Variants in IRAG1 observed in about 807,000 individuals in gnomAD.
IRAG1 encodes inositol 1,4,5-triphosphate receptor associated 1.
Under a neutral mutation model 106.2 loss-of-function variants are expected in IRAG1, and 62 were observed. The ratio of observed to expected loss-of-function variants is 0.58; its 90% confidence interval spans 0.48 to 0.72. IRAG1 has a LOEUF of 0.72. Ranked by LOEUF, IRAG1 falls within the 30% of genes least tolerant of loss-of-function variation. The pLI is 0.00. For missense variants in IRAG1, 1,064 were observed against 1,140.7 expected (o/e 0.93, Z 0.97); for synonymous variants, 462 against 443.9 (o/e 1.04, Z -0.51).
intron 1 of IRAG1, among the ~76,000 whole-genome samples, chr11:10,691,548 T>C (rs1176485456): frequency 6.6e-6 from 1 of 152,144 alleles, no homozygotes; most frequent in Non-Finnish European, 1.5e-5. Flanking sequence ...CAGTTTCAAG[T>C]AGGTTTCACA....
intron 13 of IRAG1, among the ~76,000 whole-genome samples, chr11:10,603,928 A>T (rs1854258584): frequency 6.6e-6 from 1 of 152,200 alleles, no homozygotes; most frequent in African/African-American, 2.4e-5. Context: ...ACTATGAGAA[A>T]TAAATGTTTG....
chr11:10,637,627 T>C (rs559849405), intron 2 of IRAG1, among the ~76,000 whole-genome samples: 1 of 152,236 alleles, frequency 6.6e-6, no homozygotes, highest in South Asian at 2.1e-4. Context: ...CCTTGAGTCA[T>C]GATTATTATT....
chr11:10,587,801 A>T (rs1353192899), intron 18 of IRAG1, among the ~76,000 whole-genome samples: 31 of 152,116 alleles, frequency 2.0e-4, no homozygotes. Context: ...TAGCTCTTAA[A>T]TTCATCCTCT....
chr11:10,630,255 T>A (rs1003950868), intron 4 of IRAG1, among the ~76,000 whole-genome samples: 3 of 151,974 alleles, frequency 2.0e-5, no homozygotes, highest in African/African-American at 7.2e-5. Context: ...CACTCCCCAC[T>A]TCTCCCTCTT....
intron 1 of IRAG1, among the ~76,000 whole-genome samples, chr11:10,682,116 T>C (rs1231600224): frequency 6.6e-6 from 1 of 152,216 alleles, no homozygotes; most frequent in African/African-American, 2.4e-5. Context: ...GATAATATTA[T>C]AACCTGTATC....
In IRAG1 at chr11:10,574,652, C is replaced by G. The variant is rs1365029411; in HGVS notation, c.*1680G>C. ...GAGTGACCTGAAGAAAAGAGAAGAA[C>G]AGCTGGAAAAAAAACTAGTGAGTGG... On this transcript the variant is annotated 3_prime_UTR_variant, in exon 21 of 21. Coordinates refer to ENST00000423302, the MANE Select transcript of IRAG1 (RefSeq NM_130385.4). 6.6e-6 allele frequency: 1 copy of G among 152,046 alleles called. No individual in the cohort carries two copies. The highest frequency in any genetic ancestry group is 2.4e-5 in the African/African-American group (1 of 41,374). The allele number at this position is 152,046 out of a possible 1,614,324, so 9.4% of individuals were successfully genotyped here.
chr11:10,602,809 A>AC (rs1308015786), intron 14 of IRAG1, among the ~76,000 whole-genome samples: 1 of 152,216 alleles, frequency 6.6e-6, no homozygotes, highest in African/African-American at 2.4e-5. Context: ...GGTAAAGTGA[A>AC]CCAGCCTTCT....
chr11:10,618,037 T>C (rs915207192), intron 10 of IRAG1, among the ~76,000 whole-genome samples: 1 of 152,258 alleles, frequency 6.6e-6, no homozygotes, highest in Non-Finnish European at 1.5e-5. Flanking sequence ...AACTCATTAA[T>C]TGGCCTTCAA....
chr11:10,674,234 A>T (rs1860472065), intron 1 of IRAG1, among the ~76,000 whole-genome samples: 1 of 152,242 alleles, frequency 6.6e-6, no homozygotes. Flanking sequence ...AAGATGCTCC[A>T]GAAGTGCACA....
At chr11:10,693,240 G>C (rs781609277) in intron 1 of IRAG1, among the ~76,000 whole-genome samples, 2 of 152,172 alleles carry the variant, frequency 1.3e-5, no homozygotes, top group Non-Finnish European at 2.9e-5. Context: ...AAAGCTAGGG[G>C]TTGCAATCGC....
Position 10,626,233 on chromosome 11 carries a change from T to C in IRAG1, c.1101A>G (p.Gly367=). The change falls in exon 9 of 21, where the codon GGA becomes GGG. Residue 367 remains glycine (G), a synonymous_variant. Coordinates refer to ENST00000423302, the MANE Select transcript of IRAG1 (RefSeq NM_130385.4). ...AGCCAGCCTCGGGCCCCATCGGCTC[T>C]CCAGCTGGGCCTCTCCCCTGGGAGG... ...PPASQGRGPA[G]EPMGPEAGSK... is the part of the protein sequence containing the mutation. 6.2e-7 allele frequency: 1 copy of C among 1,601,740 alleles called. No homozygotes were observed. Among genetic ancestry groups the C allele is most frequent in the South Asian group, 1.1e-5 (1 of 90,198 alleles).
intron 18 of IRAG1, among the ~76,000 whole-genome samples, chr11:10,589,469 C>T (rs1196953854): frequency 6.6e-6 from 1 of 151,926 alleles, no homozygotes; most frequent in Non-Finnish European, 1.5e-5. Context: ...AGGGTTTCAC[C>T]ATCTTGGCCA....
At chr11:10,667,565 T>C (rs1859883675) in intron 1 of IRAG1, among the ~76,000 whole-genome samples, 3 of 152,192 alleles carry the variant, frequency 2.0e-5, no homozygotes, top group African/African-American at 7.2e-5. Context: ...CTATTCATTC[T>C]ACATGTCCAG....
intron 16 of IRAG1, 54 bp from the exon 17 acceptor site, chr11:10,593,653 G>C (rs116034943): frequency 1.5e-6 from 2 of 1,347,836 alleles, no homozygotes; most frequent in African/African-American, 1.4e-5. Context: ...AATAGCCATA[G>C]TTCAGAAGGG....
chr11:10,581,424 G>A (rs1431322287), intron 19 of IRAG1, among the ~76,000 whole-genome samples: 1 of 152,130 alleles, frequency 6.6e-6, no homozygotes, highest in Admixed American at 6.5e-5. Flanking sequence ...TGGAGGAGGA[G>A]GCAGTTCGAA....
At chr11:10,630,038 T>C (rs1245860303) in intron 4 of IRAG1, 1 of 275,234 alleles carries the variant, frequency 3.6e-6, no homozygotes, top group Non-Finnish European at 6.9e-6. Flanking sequence ...AGTGCATTCT[T>C]GCTTCTGGCC....
chr11:10,664,484 G>A (rs779406469), intron 1 of IRAG1, among the ~76,000 whole-genome samples: 41 of 152,214 alleles, frequency 2.7e-4, no homozygotes, highest in Non-Finnish European at 5.0e-4. Flanking sequence ...CTAACTGCCT[G>A]TGTAGGAATG....
rs59268703 is a variant in IRAG1 at position 10,665,126 on chromosome 11, A to ACCTAAC, written c.68-12950_68-12945dup. Among the ~76,000 whole-genome samples the ACCTAAC allele has an allele frequency of 0.27, 40,939 of 151,278 alleles. 6,627 individuals carry two copies. Among genetic ancestry groups the ACCTAAC allele is most frequent in the East Asian group, 0.81 (4,080 of 5,032 alleles). ...CTCTCACCTCTCTACTGTGCTGCTT[A>ACCTAAC]CCTAACCCTAACCCTAACCCTAACC... On this transcript the variant is annotated intron_variant, in intron 1 of 20. Coordinates refer to ENST00000423302, the MANE Select transcript of IRAG1 (RefSeq NM_130385.4). This position sits in a 1 kb window ranked among gnomAD's most constrained non-coding sequence, Gnocchi z 4.2.
intron 19 of IRAG1, among the ~76,000 whole-genome samples, chr11:10,581,274 C>T (rs1321719052): frequency 6.6e-6 from 1 of 152,176 alleles, no homozygotes; most frequent in East Asian, 1.9e-4. Context: ...GCTATGTCTT[C>T]CTCATGAGCT....
Sources: allele counts gnomAD v4.1 joint callset (sites outside exome capture counted in the v4.1 genomes callset), GRCh38; gene constraint gnomAD v4.1.1; non-coding constraint Gnocchi (gnomAD v3.1); transcripts MANE v1.5; gene names NCBI Gene and HGNC (gene_info 2026-07-23, HGNC 2026-07-21).